Variants in CD36 observed in about 807,000 individuals in gnomAD.
CD36 encodes the protein CD36 molecule (CD36 blood group).
In CD36, 119 loss-of-function variants were observed where a neutral mutation model predicts 55.2. That is an observed-to-expected ratio of 2.15 (90% CI 1.86 to 2.51). The LOEUF (loss-of-function observed/expected upper bound fraction) is 2.51. Among genes scored for constraint, CD36 ranks in the 30% most tolerant of loss-of-function variants. CD36 has a pLI of 0.00. For synonymous variants in CD36, 186 were observed against 193.6 expected (o/e 0.96, Z 0.33); for missense variants, 819 against 555.5 (o/e 1.47, Z -4.77).
chr7:80,615,089 G>A (rs1793073120), intron 1 of CD36, among the ~76,000 whole-genome samples: 1 of 152,044 alleles, frequency 6.6e-6, no homozygotes, highest in African/African-American at 2.4e-5. Context: ...CAAACTGCAA[G>A]CACATTCCCG....
At chr7:80,626,505 T>C (rs553824291) in intron 1 of CD36, among the ~76,000 whole-genome samples, 1 of 152,248 alleles carries the variant, frequency 6.6e-6, no homozygotes, top group South Asian at 2.1e-4. Flanking sequence ...TAGTACAGTC[T>C]ATTATCTATG....
chr7:80,635,096 T>A (rs1562782967), upstream of CD36, among the ~76,000 whole-genome samples: 1 of 152,094 alleles, frequency 6.6e-6, no homozygotes, highest in East Asian at 1.9e-4. Flanking sequence ...ATTATAAAAT[T>A]ACTGGGGGAA....
Position 80,664,416 on chromosome 7 carries a change from C to G in CD36, c.620C>G (p.Thr207Ser), listed in dbSNP as rs768355632. The change falls in exon 7 of 15, where the codon ACT (threonine) becomes AGT (serine). Residue 207 changes from threonine to serine, a missense_variant. Thr to Ser is a moderately conservative substitution (Grantham distance 58, BLOSUM62 1). Transcript: ENST00000447544. ...ATACATATATTTCAGTACAACAATA[C>G]TGCAGATGGAGTTTATAAAGTTTTC... ...TVGLFYPYNN[T>S]ADGVYKVFNG... The G allele has an allele frequency of 5.8e-6, 9 of 1,547,516 alleles. No homozygotes were observed. Among genetic ancestry groups the G allele is most frequent in the Non-Finnish European group, 8.0e-6 (9 of 1,119,612 alleles).
intron 1 of CD36, among the ~76,000 whole-genome samples, chr7:80,612,038 G>C (rs544242289): frequency 4.1e-4 from 62 of 152,338 alleles, no homozygotes; most frequent in African/African-American, 1.4e-3. Flanking sequence ...TGCTGGGCCT[G>C]TGCCCAGAAA....
intron 2 of CD36, 105 bp from the exon 3 acceptor site, chr7:80,646,547 T>C (rs1584367766): frequency 3.1e-6 from 2 of 650,466 alleles, no homozygotes; most frequent in East Asian, 5.7e-5. Flanking sequence ...CATTTGTTTA[T>C]TTAGAACGGG....
At chr7:80,641,151 T>C (rs1194058223) in intron 1 of CD36, among the ~76,000 whole-genome samples, 1 of 152,062 alleles carries the variant, frequency 6.6e-6, no homozygotes, top group Non-Finnish European at 1.5e-5. Flanking sequence ...ATCTTTTATA[T>C]TGGTATTGTG....
rs548970807 is a variant in CD36 at position 80,677,177 on chromosome 7, T to A, written c.*794T>A. The A allele has an allele frequency of 6.6e-6, 1 of 152,340 alleles. No homozygotes were observed. Among genetic ancestry groups the A allele is most frequent in the South Asian group, 2.1e-4 (1 of 4,828 alleles). The allele number at this position is 152,340 out of a possible 1,614,324, so 9.4% of individuals were successfully genotyped here. On this transcript the variant is annotated 3_prime_UTR_variant, in exon 15 of 15. Coordinates refer to ENST00000447544, the MANE Select transcript of CD36 (RefSeq NM_001001548.3). Reference sequence around the variant, plus strand: ...GTTCTAGGCTAATTTTTTAAGCTAATTGGATGAAGAACAAAAAGACATTTG... The same window carrying A: ...GTTCTAGGCTAATTTTTTAAGCTAAATGGATGAAGAACAAAAAGACATTTG...
intron 1 of CD36, among the ~76,000 whole-genome samples, chr7:80,620,293 C>T (rs1044547195): frequency 6.6e-6 from 1 of 152,056 alleles, no homozygotes; most frequent in Non-Finnish European, 1.5e-5. Context: ...CCCAAGATTG[C>T]CCCCTTCTTT....
In CD36 at chr7:80,674,152, G is replaced by A. The variant is rs1798033406; in HGVS notation, c.*5G>A. 6.3e-7 allele frequency: 1 copy of A among 1,597,946 alleles called. No individual in the cohort carries two copies. The highest frequency in any genetic ancestry group is 8.6e-7 in the Non-Finnish European group (1 of 1,166,472). On this transcript the variant is annotated splice_donor_5th_base_variant and intron_variant, in intron 14 of 14. Coordinates refer to ENST00000447544, the MANE Select transcript of CD36 (RefSeq NM_001001548.3). ...AGATCGAAAACAATAAAATAAGTAA[G>A]TATGTACCAAAAAATATTGCTTCAA...
At chr7:80,614,032 G>A (rs1245368424) in intron 1 of CD36, among the ~76,000 whole-genome samples, 1 of 152,130 alleles carries the variant, frequency 6.6e-6, no homozygotes, top group African/African-American at 2.4e-5. Context: ...CGGCTTAGCA[G>A]CAGTTGTCTA....
chr7:80,611,319 C>G (rs1725094732), intron 1 of CD36, among the ~76,000 whole-genome samples: 1 of 152,192 alleles, frequency 6.6e-6, no homozygotes, highest in Non-Finnish European at 1.5e-5. Context: ...GCCCTAACCT[C>G]AAAATCGTCG....
At chr7:80,645,989 T>G (rs1344084483) in intron 1 of CD36, 99 bp from the exon 2 acceptor site, 3 of 152,238 alleles carry the variant, frequency 2.0e-5, no homozygotes, top group African/African-American at 7.2e-5. Context: ...TAGACTTTCT[T>G]TTAACAGTTA....
At chr7:80,610,748 G>T (rs1319492212) in intron 1 of CD36, among the ~76,000 whole-genome samples, 1 of 151,674 alleles carries the variant, frequency 6.6e-6, no homozygotes, top group African/African-American at 2.4e-5. Flanking sequence ...CTAATTTTTT[G>T]GATTTTTACT....
chr7:80,673,773 A>G, intron 13 of CD36: 1 of 595,688 alleles, frequency 1.7e-6, no homozygotes, highest in Non-Finnish European at 3.0e-6. Flanking sequence ...TCTGAAGAGC[A>G]AATGAATCCT....
chr7:80,606,496 C>T (rs1792557094), intron 1 of CD36, among the ~76,000 whole-genome samples: 1 of 152,174 alleles, frequency 6.6e-6, no homozygotes, highest in Non-Finnish European at 1.5e-5. Flanking sequence ...TGAATCAATT[C>T]ATGAAGCTCA....
intron 3 of CD36, among the ~76,000 whole-genome samples, chr7:80,647,763 A>G (rs551703722): frequency 2.4e-4 from 36 of 152,280 alleles, no homozygotes; most frequent in Admixed American, 2.3e-3. Context: ...TGTGAACTAG[A>G]CTGTGTGTTT....
intron 7 of CD36, 85 bp downstream of exon 7, chr7:80,664,582 A>T (rs1253187214): frequency 3.7e-6 from 3 of 814,620 alleles, no homozygotes; most frequent in Non-Finnish European, 4.4e-6. Flanking sequence ...CATAAGACAT[A>T]GGCATCAACC....
At chr7:80,609,242 T>C (rs777517608) in intron 1 of CD36, among the ~76,000 whole-genome samples, 2 of 152,244 alleles carry the variant, frequency 1.3e-5, no homozygotes, top group African/African-American at 2.4e-5. Context: ...CCAAAACTCA[T>C]ACACTGTACC....
At chr7:80,634,119 CT>C (rs1794247074), upstream of CD36, among the ~76,000 whole-genome samples, 1 of 152,006 alleles carries the variant, frequency 6.6e-6, no homozygotes, top group East Asian at 1.9e-4. Context: ...GGTTCCAGCC[CT>C]TGTTCTGCCA....
Sources: gnomAD v4.1 joint callset for allele counts (sites outside exome capture counted in the v4.1 genomes callset) on GRCh38, gnomAD v4.1.1 for gene constraint, MANE v1.5 for transcripts, NCBI Gene and HGNC (gene_info 2026-07-23, HGNC 2026-07-21) for gene names.